BBS9: variants seen among roughly 807,000 people sequenced by gnomAD.
BBS9 encodes the protein protein PTHB1.
Under a neutral mutation model 117.7 loss-of-function variants are expected in BBS9, and 89 were observed. The ratio of observed to expected loss-of-function variants is 0.76; its 90% CI spans 0.64 to 0.90. The LOEUF is 0.90. BBS9 is among the 40% of genes least tolerant of loss of function. The pLI is 0.00. For missense variants in BBS9, 982 were observed against 1,042.2 expected, an observed-to-expected ratio of 0.94 and a Z score of 0.80; for synonymous variants, 379 against 370.9, an observed-to-expected ratio of 1.02 and a Z score of -0.25.
At chr7:33,466,411 C>T (rs1231895342) in intron 19 of BBS9, among the ~76,000 whole-genome samples, 2 of 10,588 alleles carry the variant, frequency 1.9e-4, no homozygotes, top group Admixed American at 1.4e-3. Flanking sequence ...TTTCTGGGCC[C>T]GCCCGGTTTA....
intron 5 of BBS9, among the ~76,000 whole-genome samples, chr7:33,213,367 A>G (rs1788399003): frequency 6.6e-6 from 1 of 152,000 alleles, no homozygotes; most frequent in Non-Finnish European, 1.5e-5. Context: ...CCTGGGACTC[A>G]CCCTTCAGGG....
At chr7:33,354,451 A>G (rs1409050016) in intron 15 of BBS9, among the ~76,000 whole-genome samples, 1 of 152,148 alleles carries the variant, frequency 6.6e-6, no homozygotes, top group Non-Finnish European at 1.5e-5. Flanking sequence ...GCAGTGTAAA[A>G]CATGAATGCA....
chr7:33,315,458 AAGTC>A (rs1274185718), intron 9 of BBS9, among the ~76,000 whole-genome samples: 1 of 152,166 alleles, frequency 6.6e-6, no homozygotes, highest in African/African-American at 2.4e-5. Flanking sequence ...GCAAGCCACA[AAGTC>A]AGTCCAGATT....
chr7:33,163,986 C>G lies in BBS9; in HGVS notation c.328+8284C>G, dbSNP rs190823268. ...GGCTTTTAGTGCTATAAGTTTCCCT[C>G]TACACACTGCTTTAAATGTGTCCCA... On this transcript the variant is annotated intron_variant, in intron 4 of 22. Coordinates refer to ENST00000242067, the MANE Select transcript of BBS9 (RefSeq NM_198428.3). Among the ~76,000 whole-genome samples, 191 of 152,328 alleles carry G rather than the reference C, an allele frequency of 1.3e-3. 3 individuals carry two copies. The highest frequency in any genetic ancestry group is 0.012 in the Admixed American group (187 of 15,296).
intron 19 of BBS9, among the ~76,000 whole-genome samples, chr7:33,431,813 C>T (rs1834516646): frequency 6.6e-6 from 1 of 152,140 alleles, no homozygotes; most frequent in African/African-American, 2.4e-5. Context: ...GAAATTACTC[C>T]TGATGTGTGG....
At chr7:33,622,611 C>T (rs534640247) in intron 21 of BBS9, among the ~76,000 whole-genome samples, 3 of 152,020 alleles carry the variant, frequency 2.0e-5, no homozygotes, top group Non-Finnish European at 4.4e-5. Flanking sequence ...TGAGAAAATA[C>T]ATACATAAAA....
intron 7 of BBS9, among the ~76,000 whole-genome samples, chr7:33,268,849 A>G (rs548038344): frequency 3.3e-5 from 5 of 152,330 alleles, no homozygotes; most frequent in African/African-American, 9.6e-5. Flanking sequence ...AGTGAGGCAC[A>G]CATCAGCCCG....
At position 33,371,099 on chromosome 7, in the gene BBS9, ACCTTT is replaced by A. The variant is rs1370713820; in HGVS notation, c.1789+3238_1789+3242del. On this transcript the variant is annotated intron_variant, in intron 17 of 22. Coordinates refer to ENST00000242067, the MANE Select transcript of BBS9 (RefSeq NM_198428.3). ...ATTTTCAGAGTGTTCAAAATATTAAACCTTTTGTTGAGGAGATGCACACCCTTTAC... is the reference window on the plus strand; with the variant it reads ...ATTTTCAGAGTGTTCAAAATATTAAATGTTGAGGAGATGCACACCCTTTAC... Among the ~76,000 whole-genome samples, 10 of 152,276 alleles carry A rather than the reference ACCTTT, an allele frequency of 6.6e-5. No individual in the cohort carries two copies. In the East Asian group the frequency reaches 1.9e-3, roughly 29 times the overall value.
chr7:33,541,421 C>T (rs1327964150), intron 21 of BBS9, among the ~76,000 whole-genome samples: 5 of 152,224 alleles, frequency 3.3e-5, no homozygotes, highest in South Asian at 4.1e-4. Flanking sequence ...ACACTCTTAT[C>T]GCTTATTTAG....
At chr7:33,266,909 A>T (rs1798925527) in intron 7 of BBS9, among the ~76,000 whole-genome samples, 1 of 151,882 alleles carries the variant, frequency 6.6e-6, no homozygotes, top group Non-Finnish European at 1.5e-5. Flanking sequence ...TGTCCAGCTA[A>T]TTTTTTTGTA....
intron 19 of BBS9, among the ~76,000 whole-genome samples, chr7:33,423,491 A>G (rs1039905460): frequency 2.0e-5 from 3 of 151,988 alleles, no homozygotes; most frequent in African/African-American, 7.3e-5. Context: ...TGCTTCTGGT[A>G]GCAGGGTCTA....
At chr7:33,469,744 C>T (rs1014517161) in intron 19 of BBS9, among the ~76,000 whole-genome samples, 4 of 151,934 alleles carry the variant, frequency 2.6e-5, no homozygotes, top group African/African-American at 9.7e-5. Flanking sequence ...AAGAGGAGAA[C>T]AAAGAAAAGA....
chr7:33,547,969 A>C (rs908404978), intron 21 of BBS9, among the ~76,000 whole-genome samples: 1 of 152,204 alleles, frequency 6.6e-6, no homozygotes, highest in Non-Finnish European at 1.5e-5. Context: ...AATTAGGAGC[A>C]ACTGTAGGGA....
intron 19 of BBS9, among the ~76,000 whole-genome samples, chr7:33,495,683 GAAAGGGGTAA>G (rs964445064): frequency 1.2e-4 from 18 of 152,176 alleles, no homozygotes; most frequent in Non-Finnish European, 2.1e-4. Flanking sequence ...TAATTTTATG[GAAAGGGGTAA>G]AAATTTGGTC....
intron 19 of BBS9, among the ~76,000 whole-genome samples, chr7:33,423,098 G>A (rs890349863): frequency 1.2e-4 from 19 of 152,138 alleles, no homozygotes; most frequent in African/African-American, 4.3e-4. Flanking sequence ...TGCTGATTTA[G>A]GAGGTAGAAA....
downstream of BBS9, among the ~76,000 whole-genome samples, chr7:33,609,637 T>C (rs1293996171): frequency 6.6e-6 from 1 of 152,144 alleles, no homozygotes; most frequent in Non-Finnish European, 1.5e-5. Flanking sequence ...GCTTCTGCTT[T>C]TACATGTCTG....
At chr7:33,288,405 C>T (rs968483360) in intron 9 of BBS9, among the ~76,000 whole-genome samples, 5 of 152,090 alleles carry the variant, frequency 3.3e-5, no homozygotes, top group African/African-American at 1.2e-4. Flanking sequence ...ATTGGCAAGA[C>T]TGTAACAGTT....
At chr7:33,344,513 T>C (rs1817236950) in intron 11 of BBS9, 68 bp from the exon 12 acceptor site, 1 of 1,321,890 alleles carries the variant, frequency 7.6e-7, no homozygotes, top group Admixed American at 1.7e-5. Context: ...ATTGCACTCA[T>C]TGTGTTCACT....
At chr7:33,209,462 G>A (rs1787598928) in intron 5 of BBS9, among the ~76,000 whole-genome samples, 1 of 152,140 alleles carries the variant, frequency 6.6e-6, no homozygotes, top group Non-Finnish European at 1.5e-5. Flanking sequence ...TGTGTAACTG[G>A]GAGTGGGATT....
Sources: allele counts gnomAD v4.1 joint callset (sites outside exome capture counted in the v4.1 genomes callset), GRCh38; gene constraint gnomAD v4.1.1; transcripts MANE v1.5; gene names NCBI Gene and HGNC (gene_info 2026-07-23, HGNC 2026-07-21).